KCNG1: variants seen among roughly 807,000 people sequenced by gnomAD.
The protein encoded by KCNG1 is potassium voltage-gated channel modifier subfamily G member 1, also known as voltage-gated potassium channel regulatory subunit KCNG1.
KCNG1 carries 17 observed loss-of-function variants against 32.4 expected under a neutral mutation model. The ratio of observed to expected loss-of-function variants is 0.52; its 90% CI spans 0.36 to 0.79. The LOEUF is 0.79. Ranked by LOEUF, KCNG1 falls within the 30% of genes least tolerant of loss-of-function variation. KCNG1 has a pLI of 0.00. For synonymous variants in KCNG1, 358 were observed against 339.9 expected (o/e 1.05, Z -0.59); for missense variants, 441 against 735.2 (o/e 0.60, Z 4.63).
At chr20:51,010,636 T>A (rs1601098225) in intron 1 of KCNG1, among the ~76,000 whole-genome samples, 1 of 152,118 alleles carries the variant, frequency 6.6e-6, no homozygotes, top group Admixed American at 6.5e-5. Flanking sequence ...GGCTCACGCC[T>A]GTAATCCCAG....
intron 2 of KCNG1, chr20:51,008,017 A>G (rs1987904386): frequency 6.6e-6 from 1 of 152,246 alleles, no homozygotes; most frequent in South Asian, 2.1e-4. Flanking sequence ...TAGCACATGC[A>G]GGGTATACAG....
chr20:51,018,946 G>C lies in KCNG1; in HGVS notation c.-27+3924C>G, dbSNP rs796472608. ...TTTCTAGTCTCTATTTCATATGGAC[G>C]AGATTTTGGAATGTTTCTGAGGATG... On this transcript the variant is annotated intron_variant, in intron 1 of 2. Transcript: ENST00000371571. Among the ~76,000 whole-genome samples, 30 of 152,282 alleles carry C rather than the reference G, an allele frequency of 2.0e-4. 1 individual carries two copies. Among genetic ancestry groups the C allele is most frequent in the African/African-American group, 7.2e-4 (30 of 41,558 alleles).
intron 1 of KCNG1, among the ~76,000 whole-genome samples, chr20:51,017,024 A>T (rs947214903): frequency 1.3e-5 from 2 of 152,256 alleles, no homozygotes; most frequent in African/African-American, 4.8e-5. Flanking sequence ...GTTGTGGCAG[A>T]CATTGTCAGT....
Position 51,004,884 on chromosome 20 carries a change from C to CT in KCNG1, c.775-79dup, listed in dbSNP as rs1435688323. The CT allele has an allele frequency of 1.4e-6, 2 of 1,394,586 alleles. No homozygotes were observed. Among genetic ancestry groups the CT allele is most frequent in the Non-Finnish European group, 1.9e-6 (2 of 1,052,110 alleles). The allele number at this position is 1,394,586 out of a possible 1,614,324, so 86.4% of individuals were successfully genotyped here. A position where few individuals can be genotyped will look rare whatever the true frequency, so the allele number is the denominator to read the frequency against. ...GAGGGCAGAAGCTCTGCCCTGTGCC[C>CT]TGCTGGGCTTCCCAGGCGGAAGGTG... On this transcript the variant is annotated intron_variant, in intron 2 of 2. Transcript: ENST00000371571. The surrounding 1 kb of genome is among the most constrained non-coding windows in gnomAD (Gnocchi z 4.3).
chr20:51,007,412 C>T (rs1376635954), intron 2 of KCNG1: 1 of 152,106 alleles, frequency 6.6e-6, no homozygotes, highest in Non-Finnish European at 1.5e-5. Context: ...TCTTGGACTC[C>T]TGACCTAAAG....
chr20:51,012,256 G>C (rs897996168), intron 1 of KCNG1: 3 of 152,220 alleles, frequency 2.0e-5, no homozygotes, highest in African/African-American at 7.2e-5. Context: ...ATGCAGGGCT[G>C]AACTGGACAG....
At position 51,015,957 on chromosome 20, in the gene KCNG1, TCCAAAGG is replaced by T. The variant is rs1988266570; in HGVS notation, c.-26-5600_-26-5594del. Among the ~76,000 whole-genome samples the T allele has an allele frequency of 6.6e-6, 1 of 152,036 alleles. No homozygotes were observed. The highest frequency in any genetic ancestry group is 2.1e-4 in the South Asian group (1 of 4,818). ...CATGAATCAAGGAATGCAGGTGGCC[TCCAAAGG>T]CTGGAGGCCAGGAAATGAGCTCCCT... On this transcript the variant is annotated intron_variant, in intron 1 of 2. Coordinates refer to ENST00000371571, the MANE Select transcript of KCNG1 (RefSeq NM_002237.4). The surrounding 1 kb of genome is among the most constrained non-coding windows in gnomAD (Gnocchi z 4.4).
chr20:51,010,237 G>A lies in KCNG1; in HGVS notation c.102C>T (p.Ala34=), dbSNP rs1601097646. 7.7e-6 allele frequency: 12 copies of A among 1,551,028 alleles called. No individual in the cohort carries two copies. The highest frequency in any genetic ancestry group is 1.0e-5 in the Non-Finnish European group (12 of 1,155,544). ...CCCGGCGGTAGAACGCGCCCTTGAT[G>A]GCCTGGCGCTGCGGGAGGAAGGCCG... ...FHPAFLPQRQ[A]IKGAFYRRAQ... Residue 34 remains alanine, a synonymous_variant, in exon 2 of 3, where the codon GCC becomes GCT. Transcript: ENST00000371571.
rs1406211381 is a variant in KCNG1, at chr20:51,004,111, C to T, written c.1470G>A (p.Ser490=). The change falls in exon 3 of 3, where the codon TCG becomes TCA. Residue 490 remains serine (S), a synonymous_variant. Coordinates refer to ENST00000371571, the MANE Select transcript of KCNG1 (RefSeq NM_002237.4). The surrounding 1 kb of genome is among the most constrained non-coding windows in gnomAD (Gnocchi z 4.3). ...RRAQFLIKTK[S]QLSVSQDSDI... ...CACTGTCCTGGGACACGCTCAGCTG[C>T]GACTTGGTTTTGATGAGGAACTGCG... 2 of 1,614,094 alleles carry T rather than the reference C, an allele frequency of 1.2e-6. No homozygotes were observed. The highest frequency in any genetic ancestry group is 2.7e-5 in the African/African-American group (2 of 74,936).
At chr20:51,013,299 T>TAAAAC (rs778536408) in intron 1 of KCNG1, among the ~76,000 whole-genome samples, 30 of 151,116 alleles carry the variant, frequency 2.0e-4, no homozygotes, top group Non-Finnish European at 3.4e-4. Flanking sequence ...AGACTCTGTC[T>TAAAAC]AAAACAAAAC....
At position 51,003,798 on chromosome 20, in the gene KCNG1, G is replaced by A. The variant is rs761490673; in HGVS notation, c.*241C>T. The A allele has an allele frequency of 2.0e-6, 1 of 500,964 alleles. No individual in the cohort carries two copies. The highest frequency in any genetic ancestry group is 3.0e-5 in the South Asian group (1 of 33,718). The allele number at this position is 500,964 out of a possible 1,614,324, so 31.0% of individuals were successfully genotyped here. ...AACACACATAGGGGCTGGGGTGGGC[G>A]GGGCTGGGCTGATGACCCAGCTTCC... On this transcript the variant is annotated 3_prime_UTR_variant, in exon 3 of 3. Coordinates refer to ENST00000371571, the MANE Select transcript of KCNG1 (RefSeq NM_002237.4).
At chr20:51,018,068 C>T (rs1462904949) in intron 1 of KCNG1, among the ~76,000 whole-genome samples, 3 of 152,144 alleles carry the variant, frequency 2.0e-5, no homozygotes, top group Non-Finnish European at 4.4e-5. Flanking sequence ...GATCATAAGG[C>T]GTTCTGAGTG....
intron 1 of KCNG1, among the ~76,000 whole-genome samples, chr20:51,014,741 G>A (rs1988216366): frequency 6.6e-6 from 1 of 152,210 alleles, no homozygotes; most frequent in Non-Finnish European, 1.5e-5. Flanking sequence ...AGCGACTGCA[G>A]TGTTGTTGAC....
chr20:51,017,621 C>T (rs1176497047), intron 1 of KCNG1, among the ~76,000 whole-genome samples: 1 of 152,092 alleles, frequency 6.6e-6, no homozygotes, highest in East Asian at 1.9e-4. Context: ...TCGGGGTGCT[C>T]GGTGGAGATA....
At chr20:51,014,619 A>G (rs979394698) in intron 1 of KCNG1, among the ~76,000 whole-genome samples, 1 of 152,240 alleles carries the variant, frequency 6.6e-6, no homozygotes, top group African/African-American at 2.4e-5. Flanking sequence ...ACTCTGTATT[A>G]GAGCCGGAGA....
chr20:51,004,126 G>A lies in KCNG1; in HGVS notation c.1455C>T (p.Leu485=), dbSNP rs1987722706. ...CGCTCAGCTGCGACTTGGTTTTGAT[G>A]AGGAACTGCGCCCTCCGGAACATCA... is the stretch of plus-strand genomic sequence containing the variant. ...ERVMFRRAQF[L]IKTKSQLSVS... is the part of the protein sequence containing the mutation. The change falls in exon 3 of 3, where the codon CTC becomes CTT. Residue 485 remains leucine (L), a synonymous_variant. Transcript: ENST00000371571. The surrounding 1 kb of genome is among the most constrained non-coding windows in gnomAD (Gnocchi z 4.3). The A allele has an allele frequency of 1.2e-6, 2 of 1,614,230 alleles. No homozygotes were observed. Among genetic ancestry groups the A allele is most frequent in the East Asian group, 4.5e-5 (2 of 44,874 alleles).
At position 51,005,949 on chromosome 20, in the gene KCNG1, C is replaced by T. The variant is rs1489144261; in HGVS notation, c.775-1143G>A. 2 of 152,156 alleles carry T rather than the reference C, an allele frequency of 1.3e-5. No individual in the cohort carries two copies. Among genetic ancestry groups the T allele is most frequent in the East Asian group, 3.9e-4 (2 of 5,194 alleles). 9.4% of individuals were successfully genotyped at this position (152,156 alleles called of 1,614,324 possible). On this transcript the variant is annotated intron_variant, in intron 2 of 2. Transcript: ENST00000371571. This position sits in a 1 kb window ranked among gnomAD's most constrained non-coding sequence, Gnocchi z 4.0. ...GTCTTAGACCTCTGGGATGGGAAGC[C>T]CCTTCCTCTGGGAAGCTTTCCTGGA...
rs1987775065 is a variant in KCNG1, at chr20:51,005,047, C to A, written c.775-241G>T. 5 of 410,496 alleles carry A rather than the reference C, an allele frequency of 1.2e-5. No homozygotes were observed. The highest frequency in any genetic ancestry group is 2.1e-5 in the Non-Finnish European group (5 of 233,688). The allele number at this position is 410,496 out of a possible 1,614,324, so 25.4% of individuals were successfully genotyped here. On this transcript the variant is annotated intron_variant, in intron 2 of 2. Transcript: ENST00000371571. This position sits in a 1 kb window ranked among gnomAD's most constrained non-coding sequence, Gnocchi z 4.0. ...CCACCTCAGCCCTGAACTCCAGACC[C>A]CCAACAGGCTGCCTCCCTGACGCTC...
At chr20:51,016,945 A>C (rs1237797238) in intron 1 of KCNG1, among the ~76,000 whole-genome samples, 1 of 152,208 alleles carries the variant, frequency 6.6e-6, no homozygotes, top group African/African-American at 2.4e-5. Context: ...AGGGAAATGA[A>C]GATGCTGCTG....
Sources: allele counts gnomAD v4.1 joint callset (sites outside exome capture counted in the v4.1 genomes callset), GRCh38; gene constraint gnomAD v4.1.1; non-coding constraint Gnocchi (gnomAD v3.1); transcripts MANE v1.5; gene names NCBI Gene and HGNC (gene_info 2026-07-23, HGNC 2026-07-21).